Variants in PPP1R26 observed in about 807,000 individuals in gnomAD.
PPP1R26 encodes the protein 1A6/DRIM (down-regulated in metastasis) interacting protein.
A neutral mutation model predicts 67.6 loss-of-function variants in PPP1R26; 22 were observed. The ratio of observed to expected loss-of-function variants is 0.33; its 90% CI spans 0.23 to 0.46. PPP1R26 has a LOEUF of 0.46. PPP1R26 is among the 20% of genes least tolerant of loss of function. The probability of loss-of-function intolerance (pLI) is 1.00; values close to 1 mark genes in which losing one functional copy is unlikely to be tolerated. For synonymous variants in PPP1R26, 729 were observed against 717.2 expected, an observed-to-expected ratio of 1.02 and a Z score of -0.26; for missense variants, 1,602 against 1,651.4, an observed-to-expected ratio of 0.97 and a Z score of 0.52.
rs1044051037 is a variant in PPP1R26, at chr9:135,481,052, G to A, written c.-329+1030G>A. On this transcript the variant is annotated intron_variant, in intron 1 of 3. Transcript: ENST00000356818. ...TCTCCAGAAGGTTGATGTCTGGACC[G>A]AGAAGGTACCCGAGTGTTCTCCACC... Among the ~76,000 whole-genome samples the A allele has an allele frequency of 3.9e-5, 6 of 152,228 alleles. No homozygotes were observed. In the Middle Eastern group the frequency reaches 0.01, roughly 259 times the overall value.
Position 135,485,391 on chromosome 9 carries a change from G to T in PPP1R26, c.881G>T (p.Arg294Leu), listed in dbSNP as rs563753237. The change falls in exon 4 of 4, where the codon CGG becomes CTG. Residue 294 changes from arginine (R) to leucine (L), a missense_variant. Around this residue, in one of 5 missense-constraint regions of PPP1R26, gnomAD observed 680 missense variants for 726.1 expected, o/e 0.94. Coordinates refer to ENST00000356818, the MANE Select transcript of PPP1R26 (RefSeq NM_014811.5). This position sits in a 1 kb window ranked among gnomAD's most constrained non-coding sequence, Gnocchi z 7.2. Reference protein sequence around the residue: ...QKEFAFRKPPRLAKMNVQPRS... With the variant: ...QKEFAFRKPPLLAKMNVQPRS... ...GAGTTTGCCTTCCGCAAACCTCCCC[G>T]GTTAGCGAAGATGAACGTCCAGCCC... is the stretch of plus-strand genomic sequence containing the variant. 6.2e-7 allele frequency: 1 copy of T among 1,612,886 alleles called. No homozygotes were observed. Among genetic ancestry groups the T allele is most frequent in the East Asian group, 2.2e-5 (1 of 44,864 alleles).
In PPP1R26 at chr9:135,487,627, G is replaced by A. The variant is rs528979867; in HGVS notation, c.3117G>A (p.Pro1039=). 167 of 1,483,180 alleles carry A rather than the reference G, an allele frequency of 1.1e-4. No homozygotes were observed. Among genetic ancestry groups the A allele is most frequent in the Non-Finnish European group, 1.3e-4 (147 of 1,116,278 alleles). The allele number at this position is 1,483,180 out of a possible 1,614,324, so 91.9% of individuals were successfully genotyped here. A position where few individuals can be genotyped will look rare whatever the true frequency, so the allele number is the denominator to read the frequency against. ...CCCACCAGAGTCGGCTGCCCAGCCC[G>A]TGGGTGCTGCGCTCCGAAGGCAGAG... ...DFAHQSRLPS[P]WVLRSEGRDA... The change falls in exon 4 of 4, where the codon CCG becomes CCA. Residue 1039 remains proline, a synonymous_variant. Transcript: ENST00000356818.
At position 135,486,859 on chromosome 9, in the gene PPP1R26, G is replaced by A. The variant is rs927196709; in HGVS notation, c.2349G>A (p.Glu783=). The change falls in exon 4 of 4, where the codon GAG becomes GAA. Residue 783 remains glutamate, a synonymous_variant. Coordinates refer to ENST00000356818, the MANE Select transcript of PPP1R26 (RefSeq NM_014811.5). The surrounding 1 kb of genome is among the most constrained non-coding windows in gnomAD (Gnocchi z 6.2). ...GCACGGCAGAGAGGATGAGGCAGGA[G>A]GGTGCCGCGAGCCAGGACGCGGCCC... ...FGSTAERMRQ[E]GAASQDAALA... 4.3e-6 allele frequency: 7 copies of A among 1,611,604 alleles called. No individual in the cohort carries two copies. In the Admixed American group the frequency reaches 6.7e-5, roughly 15 times the overall value.
rs1564205528 is a variant in PPP1R26 at position 135,485,157 on chromosome 9, T to G, written c.647T>G (p.Val216Gly). The G allele has an allele frequency of 1.2e-6, 2 of 1,612,722 alleles. No individual in the cohort carries two copies. Among genetic ancestry groups the G allele is most frequent in the Non-Finnish European group, 1.7e-6 (2 of 1,179,860 alleles). Reference protein sequence around the residue: ...KDQGSASPVSVSSDDSFEQSI... With the variant: ...KDQGSASPVSGSSDDSFEQSI... Reference sequence around the variant, plus strand: ...CAGGGCTCCGCCTCCCCGGTCAGTGTGAGCAGCGATGACTCCTTCGAGCAG... The same window carrying G: ...CAGGGCTCCGCCTCCCCGGTCAGTGGGAGCAGCGATGACTCCTTCGAGCAG... The change falls in exon 4 of 4, where the codon GTG becomes GGG. Residue 216 changes from valine to glycine, a missense_variant. Val to Gly is a moderately radical substitution (Grantham distance 109, BLOSUM62 -3). Coordinates refer to ENST00000356818, the MANE Select transcript of PPP1R26 (RefSeq NM_014811.5). This position sits in a 1 kb window ranked among gnomAD's most constrained non-coding sequence, Gnocchi z 7.2.
rs370626672 is a variant in PPP1R26, at chr9:135,484,501, G to A, written c.-10G>A. 3.3e-5 allele frequency: 51 copies of A among 1,568,870 alleles called. No homozygotes were observed. The highest frequency in any genetic ancestry group is 1.0e-4 in the South Asian group (9 of 87,344). On this transcript the variant is annotated 5_prime_UTR_variant, in exon 4 of 4. Transcript: ENST00000356818. ...ATCGCCCCTCTGCGCGCCCCTCCCCGTCTGCTAGAATGTTTCTCATGAACG... is the reference window on the plus strand; with the variant it reads ...ATCGCCCCTCTGCGCGCCCCTCCCCATCTGCTAGAATGTTTCTCATGAACG...
At chr9:135,483,126 A>T (rs950359989) in intron 2 of PPP1R26, among the ~76,000 whole-genome samples, 1 of 151,104 alleles carries the variant, frequency 6.6e-6, no homozygotes, top group African/African-American at 2.4e-5. Context: ...AGTAGCTGGG[A>T]TTACAGGCAT....
In PPP1R26 at chr9:135,484,573, G is replaced by T. The variant is rs769096725; in HGVS notation, c.63G>T (p.Pro21=). Residue 21 remains proline (P), a synonymous_variant, in exon 4 of 4, where the codon CCG becomes CCT. Transcript: ENST00000356818. ...AGTCCAAATGGGAGGCCTTTGGCCC[G>T]CCAGGGAGCTGTAGGTTCCCCAGGT... The part of the protein sequence containing the change: ...ALQSKWEAFG[P]PGSCRFPRCF... 1 of 1,612,146 alleles carries T rather than the reference G, an allele frequency of 6.2e-7. No individual in the cohort carries two copies. The highest frequency in any genetic ancestry group is 1.1e-5 in the South Asian group (1 of 91,040).
upstream of PPP1R26, among the ~76,000 whole-genome samples, chr9:135,479,488 G>A (rs1293621478): frequency 6.7e-6 from 1 of 149,976 alleles, no homozygotes; most frequent in African/African-American, 2.4e-5. This position sits in a 1 kb window ranked among gnomAD's most constrained non-coding sequence, Gnocchi z 5.9. Context: ...CGGGCAGCAC[G>A]GGGCTCGGCC....
At position 135,487,141 on chromosome 9, in the gene PPP1R26, G is replaced by C. The variant is rs778610255; in HGVS notation, c.2631G>C (p.Leu877=). ...GTGGPARPEV[L]CRKEPAPPPG... Reference sequence around the variant, plus strand: ...GGGGCCCAGCCAGGCCAGAGGTGCTGTGCAGGAAGGAGCCTGCCCCACCGC... The same window carrying C: ...GGGGCCCAGCCAGGCCAGAGGTGCTCTGCAGGAAGGAGCCTGCCCCACCGC... Residue 877 remains leucine, a synonymous_variant, in exon 4 of 4, where the codon CTG becomes CTC. Transcript: ENST00000356818. 1 of 1,609,668 alleles carries C rather than the reference G, an allele frequency of 6.2e-7. No homozygotes were observed. Among genetic ancestry groups the C allele is most frequent in the Admixed American group, 1.7e-5 (1 of 59,986 alleles).
At position 135,483,967 on chromosome 9, in the gene PPP1R26, C is replaced by T. The variant is rs1248228487; in HGVS notation, c.-178C>T. 2.5e-6 allele frequency: 1 copy of T among 399,100 alleles called. No individual in the cohort carries two copies. Among genetic ancestry groups the T allele is most frequent in the Non-Finnish European group, 4.4e-6 (1 of 226,546 alleles). 24.7% of individuals were successfully genotyped at this position (399,100 alleles called of 1,614,324 possible). On this transcript the variant is annotated 5_prime_UTR_variant, in exon 3 of 4. Coordinates refer to ENST00000356818, the MANE Select transcript of PPP1R26 (RefSeq NM_014811.5). ...CGTTCCAGGAGCTTGTCGGTTGGGT[C>T]AAGAATGAACCTACGCATGACGGCG...
Position 135,486,251 on chromosome 9 carries a change from C to G in PPP1R26, c.1741C>G (p.Pro581Ala), listed in dbSNP as rs757287805. ...CAGCCAGACCGGCGGCCACAAGACC[C>G]CTCTCTCTAAAACACCAGACCCACT... ...LNSQTGGHKTPLSKTPDPLLG... is the reference protein window; with the variant it reads ...LNSQTGGHKTALSKTPDPLLG... Residue 581 changes from proline to alanine, a missense_variant, in exon 4 of 4, where the codon CCT (proline) becomes GCT (alanine). By Grantham distance (27) the Pro-to-Ala change is conservative. Transcript: ENST00000356818. The surrounding 1 kb of genome is among the most constrained non-coding windows in gnomAD (Gnocchi z 6.2). 3.2e-5 allele frequency: 51 copies of G among 1,612,828 alleles called. No individual in the cohort carries two copies. The East Asian group carries it at 1.1e-3, about 35-fold the overall frequency.
chr9:135,486,839 G>A lies in PPP1R26; in HGVS notation c.2329G>A (p.Ala777Thr), dbSNP rs199680517. The stretch of plus-strand genomic sequence containing the variant: ...ACCCCCCAGTGTCTTTGGCAGCACG[G>A]CAGAGAGGATGAGGCAGGAGGGTGC... ...KKPPSVFGST[A>T]ERMRQEGAAS... The change falls in exon 4 of 4, where the codon GCA becomes ACA. Residue 777 changes from alanine (A) to threonine (T), a missense_variant. Around this residue, in one of 5 missense-constraint regions of PPP1R26, gnomAD observed 740 missense variants for 696.3 expected, o/e 1.06. Coordinates refer to ENST00000356818, the MANE Select transcript of PPP1R26 (RefSeq NM_014811.5). This position sits in a 1 kb window ranked among gnomAD's most constrained non-coding sequence, Gnocchi z 6.2. The A allele has an allele frequency of 1.4e-3, 2,220 of 1,611,076 alleles. 15 individuals carry two copies. Among genetic ancestry groups the A allele is most frequent in the East Asian group, 0.012 (547 of 44,812 alleles).
intron 1 of PPP1R26, among the ~76,000 whole-genome samples, chr9:135,481,336 G>A (rs1830513961): frequency 1.3e-5 from 2 of 151,252 alleles, no homozygotes; most frequent in Admixed American, 1.3e-4. Flanking sequence ...CGCCTCCCTG[G>A]TTCAAGCGAT....
rs774601664 is a variant in PPP1R26, at chr9:135,484,497, C to G, written c.-14C>G. ...AAGCATCGCCCCTCTGCGCGCCCCT[C>G]CCCGTCTGCTAGAATGTTTCTCATG... On this transcript the variant is annotated 5_prime_UTR_variant, in exon 4 of 4. Transcript: ENST00000356818. 2 of 1,563,422 alleles carry G rather than the reference C, an allele frequency of 1.3e-6. No individual in the cohort carries two copies. The highest frequency in any genetic ancestry group is 1.7e-6 in the Non-Finnish European group (2 of 1,155,530).
At position 135,487,800 on chromosome 9, in the gene PPP1R26, G is replaced by A. The variant is rs981110234; in HGVS notation, c.3290G>A (p.Gly1097Asp). ...FHFGKGVSWGGRQAGLFSPHL... is the reference protein window; with the variant it reads ...FHFGKGVSWGDRQAGLFSPHL... ...TTTGGAAAGGGTGTCTCCTGGGGGG[G>A]CAGGCAGGCTGGCCTCTTCAGCCCC... The change falls in exon 4 of 4, where the codon GGC becomes GAC. Residue 1097 changes from glycine to aspartate, a missense_variant. Physicochemically the swap from Gly to Asp is moderately conservative, Grantham distance 94 (BLOSUM62 -1). This residue lies in a region of PPP1R26 where 740 missense variants were observed against 696.3 expected (regional missense o/e 1.06). Coordinates refer to ENST00000356818, the MANE Select transcript of PPP1R26 (RefSeq NM_014811.5). 7 of 1,577,144 alleles carry A rather than the reference G, an allele frequency of 4.4e-6. No homozygotes were observed. Among genetic ancestry groups the A allele is most frequent in the Non-Finnish European group, 5.1e-6 (6 of 1,165,538 alleles).
At position 135,486,631 on chromosome 9, in the gene PPP1R26, C is replaced by G. The variant is rs768215472; in HGVS notation, c.2121C>G (p.Leu707=). The G allele has an allele frequency of 3.7e-6, 6 of 1,612,352 alleles. No homozygotes were observed. The highest frequency in any genetic ancestry group is 5.1e-6 in the Non-Finnish European group (6 of 1,179,864). Residue 707 remains leucine (L), a synonymous_variant, in exon 4 of 4, where the codon CTC becomes CTG. Coordinates refer to ENST00000356818, the MANE Select transcript of PPP1R26 (RefSeq NM_014811.5). The surrounding 1 kb of genome is among the most constrained non-coding windows in gnomAD (Gnocchi z 6.2). ...ACTTGTTAAGGTCCAAGCGAAAGCT[C>G]AAGAAGAGGTGCAGGGAGCCCAGGG... ...IKDLLRSKRK[L]KKRCREPRAA... is the part of the protein sequence containing the mutation.
At position 135,486,879 on chromosome 9, in the gene PPP1R26, C is replaced by A; in HGVS notation, c.2369C>A (p.Ala790Glu). The A allele has an allele frequency of 6.2e-7, 1 of 1,612,310 alleles. No homozygotes were observed. The change falls in exon 4 of 4, where the codon GCG (alanine) becomes GAG (glutamate). Residue 790 changes from alanine to glutamate, a missense_variant. Transcript: ENST00000356818. The surrounding 1 kb of genome is among the most constrained non-coding windows in gnomAD (Gnocchi z 6.2). ...MRQEGAASQD[A>E]ALAFRVRRPA... ...CAGGAGGGTGCCGCGAGCCAGGACGCGGCCCTGGCCTTCCGGGTGAGGAGA... is the reference window on the plus strand; with the variant it reads ...CAGGAGGGTGCCGCGAGCCAGGACGAGGCCCTGGCCTTCCGGGTGAGGAGA...
Position 135,484,813 on chromosome 9 carries a change from C to G in PPP1R26, c.303C>G (p.Leu101=), listed in dbSNP as rs201939322. 5.0e-6 allele frequency: 8 copies of G among 1,610,760 alleles called. No individual in the cohort carries two copies. Residue 101 remains leucine, a synonymous_variant, in exon 4 of 4, where the codon CTC becomes CTG. Transcript: ENST00000356818. Reference sequence around the variant, plus strand: ...CACCCGCGTTGGCTGTCTGTGGTCTCGTTGCTGACTTTGACCCCATGGGGG... The same window carrying G: ...CACCCGCGTTGGCTGTCTGTGGTCTGGTTGCTGACTTTGACCCCATGGGGG... ...KEPPALAVCG[L]VADFDPMGEE... is the part of the protein sequence containing the mutation.
chr9:135,484,950 CCGCACA>C lies in PPP1R26; in HGVS notation c.441_446del (p.Ala148_Gln149del). 1 of 1,578,630 alleles carries C rather than the reference CCGCACA, an allele frequency of 6.3e-7. No homozygotes were observed. Among genetic ancestry groups the C allele is most frequent in the East Asian group, 2.2e-5 (1 of 44,486 alleles). ...GAGTACCTGAAGGCAAAGAGTGGAG[CCGCACA>C]GCCCGGGGCCGGCGGGGCCCAGCCA... is the stretch of plus-strand genomic sequence containing the variant. On this transcript the variant is annotated inframe_deletion, in exon 4 of 4. Coordinates refer to ENST00000356818, the MANE Select transcript of PPP1R26 (RefSeq NM_014811.5).
Sources: gnomAD v4.1 joint callset for allele counts (sites outside exome capture counted in the v4.1 genomes callset) on GRCh38, gnomAD v4.1.1 for gene constraint, gnomAD v4.1.1 regional missense constraint, Gnocchi (gnomAD v3.1) non-coding constraint, MANE v1.5 for transcripts, NCBI Gene and HGNC (gene_info 2026-07-23, HGNC 2026-07-21) for gene names.